Variants in DTWD2 observed in about 807,000 individuals in gnomAD.
DTWD2 encodes tRNA-uridine aminocarboxypropyltransferase 2.
Under a neutral mutation model 31.8 loss-of-function variants are expected in DTWD2, and 39 were observed. The ratio of observed to expected loss-of-function variants is 1.22; its 90% CI spans 0.95 to 1.60. DTWD2 has a LOEUF of 1.60. Ranked by LOEUF, DTWD2 falls within the 40% of genes most tolerant of loss-of-function variation. The pLI is 0.00. For missense variants in DTWD2, 515 were observed against 381.5 expected, an observed-to-expected ratio of 1.35 and a Z score of -2.92; for synonymous variants, 180 against 142.8, an observed-to-expected ratio of 1.26 and a Z score of -1.86.
At chr5:118,911,748 C>G (rs1280105605) in intron 4 of DTWD2, among the ~76,000 whole-genome samples, 2 of 152,190 alleles carry the variant, frequency 1.3e-5, no homozygotes, top group African/African-American at 4.8e-5. Context: ...CTGGATGAAA[C>G]TGGAGAACAA....
At chr5:118,980,766 C>T (rs1009371495) in intron 1 of DTWD2, among the ~76,000 whole-genome samples, 13 of 152,116 alleles carry the variant, frequency 8.5e-5, no homozygotes, top group African/African-American at 2.7e-4. Context: ...AAAAGTTAAA[C>T]ATAAAACCAT....
At chr5:118,978,818 C>T (rs1755224943) in intron 1 of DTWD2, among the ~76,000 whole-genome samples, 1 of 150,640 alleles carries the variant, frequency 6.6e-6, no homozygotes, top group Admixed American at 6.6e-5. Flanking sequence ...TCAGCCTGGG[C>T]AATATGGTGA....
intron 3 of DTWD2, 76 bp from the exon 4 acceptor site, chr5:118,928,805 T>C: frequency 8.1e-7 from 1 of 1,232,994 alleles, no homozygotes; most frequent in East Asian, 2.5e-5. Context: ...CTGAATTTCC[T>C]AATAAAAGTT....
chr5:118,930,803 G>A (rs1307321257), intron 3 of DTWD2, among the ~76,000 whole-genome samples: 2 of 151,850 alleles, frequency 1.3e-5, no homozygotes, highest in African/African-American at 4.9e-5. Flanking sequence ...ATAACAAATA[G>A]GAAAATCAAT....
chr5:118,939,114 TGAAA>T, intron 3 of DTWD2, 78 bp downstream of exon 3: 1 of 1,351,660 alleles, frequency 7.4e-7, no homozygotes, highest in Non-Finnish European at 9.9e-7. Flanking sequence ...ATGAATAAGC[TGAAA>T]GAAATAAGCT....
intron 5 of DTWD2, among the ~76,000 whole-genome samples, chr5:118,846,897 A>G (rs545264250): frequency 1.3e-5 from 2 of 148,868 alleles, no homozygotes; most frequent in Non-Finnish European, 3.0e-5. Context: ...TAGACCCTAA[A>G]CAAAGTCTAC....
intron 1 of DTWD2, among the ~76,000 whole-genome samples, chr5:118,985,044 A>G (rs1340272803): frequency 1.3e-5 from 2 of 152,134 alleles, no homozygotes; most frequent in Non-Finnish European, 2.9e-5. Flanking sequence ...TGGGTTATAG[A>G]GCATTAGGCC....
intron 4 of DTWD2, among the ~76,000 whole-genome samples, chr5:118,872,492 T>G (rs1258294789): frequency 1.3e-5 from 2 of 152,176 alleles, no homozygotes; most frequent in South Asian, 2.1e-4. Flanking sequence ...TTGGCCTAAT[T>G]TCAAAATTGT....
intron 4 of DTWD2, among the ~76,000 whole-genome samples, chr5:118,919,115 A>G (rs536105000): frequency 3.3e-5 from 5 of 152,336 alleles, no homozygotes; most frequent in African/African-American, 1.2e-4. Context: ...CGGGTTCTAG[A>G]TCAGAGACAG....
At chr5:118,957,768 G>A (rs1754619874) in intron 1 of DTWD2, among the ~76,000 whole-genome samples, 1 of 152,074 alleles carries the variant, frequency 6.6e-6, no homozygotes, top group Non-Finnish European at 1.5e-5. Context: ...TTGAATTGTG[G>A]ACTTGCATCT....
chr5:118,872,648 C>T (rs951589007), intron 4 of DTWD2, among the ~76,000 whole-genome samples: 1 of 152,122 alleles, frequency 6.6e-6, no homozygotes, highest in Non-Finnish European at 1.5e-5. Flanking sequence ...ACAAAAGTAA[C>T]ATCAAATATC....
intron 1 of DTWD2, among the ~76,000 whole-genome samples, chr5:118,969,594 G>C (rs866434608): frequency 4.2e-4 from 64 of 152,296 alleles, no homozygotes; most frequent in African/African-American, 1.1e-3. Flanking sequence ...CTATGGAAGA[G>C]TGACCTGTTA....
At chr5:118,960,438 C>G (rs1267835851) in intron 1 of DTWD2, among the ~76,000 whole-genome samples, 1 of 152,016 alleles carries the variant, frequency 6.6e-6, no homozygotes. Flanking sequence ...GAGATGCTGG[C>G]AAGACTGCAG....
Position 118,935,402 on chromosome 5 carries a change from T to C in DTWD2, c.404+3794A>G, listed in dbSNP as rs537222767. ...GGTGTCTGAAGCGGGGAAGGGGCAG[T>C]CTTGGGAACTGAGCCCTCATCCTGT... On this transcript the variant is annotated intron_variant, in intron 3 of 5. Coordinates refer to ENST00000510708, the MANE Select transcript of DTWD2 (RefSeq NM_173666.4). 2.0e-5 allele frequency among the ~76,000 whole-genome samples: 3 copies of C among 152,098 alleles called. No individual in the cohort carries two copies. In the South Asian group the frequency reaches 6.2e-4, roughly 32 times the overall value.
chr5:118,917,133 C>T (rs555707765), intron 4 of DTWD2, among the ~76,000 whole-genome samples: 2 of 152,278 alleles, frequency 1.3e-5, no homozygotes, highest in African/African-American at 4.8e-5. Context: ...AACCAAGTAT[C>T]AAGATAGTTG....
rs199515560 is a variant in DTWD2, at chr5:118,939,237, G to C, written c.363C>G (p.Asp121Glu). ...VPLLAACLPQ[D>E]KCKVKIGRRF... ...GACGACCGATCTTCACTTTACACTT[G>C]TCCTGGGGGAGGCATGCTGCTAGTA... The change falls in exon 3 of 6, where the codon GAC becomes GAG. Residue 121 changes from aspartate to glutamate, a missense_variant. Physicochemically the swap from Asp to Glu is conservative, Grantham distance 45 (BLOSUM62 2). Coordinates refer to ENST00000510708, the MANE Select transcript of DTWD2 (RefSeq NM_173666.4). 2 of 1,604,002 alleles carry C rather than the reference G, an allele frequency of 1.2e-6. No individual in the cohort carries two copies. The highest frequency in any genetic ancestry group is 1.3e-5 in the African/African-American group (1 of 74,630).
At chr5:118,983,310 A>G (rs1159560761) in intron 1 of DTWD2, among the ~76,000 whole-genome samples, 2 of 152,216 alleles carry the variant, frequency 1.3e-5, no homozygotes, top group Non-Finnish European at 2.9e-5. Context: ...GTGGTCTCTG[A>G]AGCTGTCAGA....
chr5:118,907,106 A>T (rs183160119), intron 4 of DTWD2, among the ~76,000 whole-genome samples: 1 of 152,302 alleles, frequency 6.6e-6, no homozygotes, highest in Admixed American at 6.5e-5. Flanking sequence ...CTCCAATAGA[A>T]ACTATGCTTA....
chr5:118,963,143 C>T (rs1754742229), intron 1 of DTWD2, among the ~76,000 whole-genome samples: 1 of 151,932 alleles, frequency 6.6e-6, no homozygotes, highest in African/African-American at 2.4e-5. Flanking sequence ...TTAAAGATAC[C>T]GTAAGAAATA....
Sources: allele counts gnomAD v4.1 joint callset (sites outside exome capture counted in the v4.1 genomes callset), GRCh38; gene constraint gnomAD v4.1.1; transcripts MANE v1.5; gene names NCBI Gene and HGNC (gene_info 2026-07-23, HGNC 2026-07-21).